TMEM260: variants seen among roughly 807,000 people sequenced by gnomAD.
TMEM260 encodes transmembrane protein 260.
In TMEM260, 82 loss-of-function variants were observed where a neutral mutation model predicts 88.9. The observed-to-expected ratio is 0.92, with a 90% CI of 0.77 to 1.11. The LOEUF (loss-of-function observed/expected upper bound fraction) is 1.11, where lower values mean the gene tolerates loss of function less well. Among genes scored for constraint, TMEM260 ranks in the 50% least tolerant of loss-of-function variants. The pLI, the probability that TMEM260 is intolerant of heterozygous loss-of-function variation, is 0.00. For synonymous variants in TMEM260, 314 were observed against 309.3 expected, an observed-to-expected ratio of 1.02 and a Z score of -0.16; for missense variants, 902 against 853.4, an observed-to-expected ratio of 1.06 and a Z score of -0.71.
intron 15 of TMEM260, among the ~76,000 whole-genome samples, chr14:56,645,521 A>T (rs1026124181): frequency 7.8e-4 from 118 of 152,146 alleles, no homozygotes; most frequent in Admixed American, 1.3e-3. Flanking sequence ...GAGGGATAGC[A>T]TTAGGAGATA....
At chr14:56,654,553 T>C (rs1395500533), downstream of TMEM260, among the ~76,000 whole-genome samples, 2 of 150,844 alleles carry the variant, frequency 1.3e-5, no homozygotes, top group African/African-American at 5.0e-5. Flanking sequence ...GTGCAGTGGC[T>C]CACACCTGTA....
At chr14:56,612,319 G>A in intron 7 of TMEM260, 34 bp downstream of exon 7, 4 of 1,550,812 alleles carry the variant, frequency 2.6e-6, no homozygotes, top group Non-Finnish European at 3.6e-6. Flanking sequence ...ACTTTAAAAT[G>A]AATTCTCTAT....
intron 1 of TMEM260, among the ~76,000 whole-genome samples, chr14:56,582,411 A>G (rs909799426): frequency 6.6e-6 from 1 of 152,180 alleles, no homozygotes; most frequent in African/African-American, 2.4e-5. Flanking sequence ...AGTTTATTTC[A>G]AAGATACTGT....
chr14:56,609,999 G>A (rs1422466074), intron 6 of TMEM260, among the ~76,000 whole-genome samples: 1 of 152,168 alleles, frequency 6.6e-6, no homozygotes, highest in East Asian at 1.9e-4. Flanking sequence ...AGAGTATGTA[G>A]TATATAATAC....
intron 1 of TMEM260, 117 bp from the exon 2 acceptor site, chr14:56,584,884 A>T: frequency 1.3e-6 from 1 of 753,434 alleles, no homozygotes; most frequent in Non-Finnish European, 2.2e-6. Context: ...CTACAGATTT[A>T]CAGTTTTATC....
At position 56,636,586 on chromosome 14, in the gene TMEM260, T is replaced by C. The variant is rs778417579; in HGVS notation, c.1857T>C (p.Ala619=). Residue 619 remains alanine, a synonymous_variant, in exon 15 of 16, where the codon GCT becomes GCC. Transcript: ENST00000261556. ...MPSKVKAQLY[A]QAYDLYKEIV... ...CAAAAGTGAAAGCTCAACTCTACGC[T>C]CAAGCATATGACGTATGTTACACTT... 6.2e-7 allele frequency: 1 copy of C among 1,613,864 alleles called. No individual in the cohort carries two copies. The highest frequency in any genetic ancestry group is 1.1e-5 in the South Asian group (1 of 91,076).
chr14:56,603,146 G>A (rs1049499157), intron 3 of TMEM260, among the ~76,000 whole-genome samples: 4 of 152,046 alleles, frequency 2.6e-5, no homozygotes, highest in African/African-American at 9.7e-5. Context: ...TTGTGGGTGA[G>A]AAATTTGTTT....
intron 11 of TMEM260, among the ~76,000 whole-genome samples, chr14:56,622,675 C>G (rs958274902): frequency 6.6e-6 from 1 of 151,746 alleles, no homozygotes; most frequent in South Asian, 2.1e-4. Context: ...AGGGAAGAAA[C>G]CTGTCTCTGG....
chr14:56,594,428 A>G (rs990732340), intron 3 of TMEM260, among the ~76,000 whole-genome samples: 4 of 152,192 alleles, frequency 2.6e-5, no homozygotes, highest in African/African-American at 9.7e-5. Context: ...CTACTTTAGC[A>G]TGTTATTAAC....
intron 5 of TMEM260, 150 bp downstream of exon 5, chr14:56,605,833 A>C (rs1229531349): frequency 2.1e-6 from 1 of 486,080 alleles, no homozygotes; most frequent in East Asian, 3.3e-5. Context: ...TGACTGAAAA[A>C]AATAGGATTT....
chr14:56,649,272 CAA>C lies in TMEM260; in HGVS notation c.*1777_*1778del, dbSNP rs1442346581. ...ATTGAAGTTGTTGAGTACTAATTGG[CAA>C]AGACTTTTAATCATGGGCCAAGAAC... On this transcript the variant is annotated 3_prime_UTR_variant, in exon 16 of 16. Coordinates refer to ENST00000261556, the MANE Select transcript of TMEM260 (RefSeq NM_017799.4). 3 of 152,602 alleles carry C rather than the reference CAA, an allele frequency of 2.0e-5. No individual in the cohort carries two copies. The highest frequency in any genetic ancestry group is 1.3e-4 in the Admixed American group (2 of 15,272). The allele number at this position is 152,602 out of a possible 1,614,324, so 9.5% of individuals were successfully genotyped here.
chr14:56,657,927 A>G, the TMEM260 span, among the ~76,000 whole-genome samples: 1 of 152,154 alleles, frequency 6.6e-6, no homozygotes, highest in Non-Finnish European at 1.5e-5. Flanking sequence ...TGCTGGTCTC[A>G]GCAACATTGG....
In TMEM260 at chr14:56,612,300, T is replaced by G. The variant is rs373659272; in HGVS notation, c.857+15T>G. On this transcript the variant is annotated intron_variant, in intron 7 of 15. Coordinates refer to ENST00000261556, the MANE Select transcript of TMEM260 (RefSeq NM_017799.4). Reference sequence around the variant, plus strand: ...GAAATACTGCTGTGAGTATGAAATATTTGAAACTACTTTAAAATGAATTCT... The same window carrying G: ...GAAATACTGCTGTGAGTATGAAATAGTTGAAACTACTTTAAAATGAATTCT... The G allele has an allele frequency of 6.2e-7, 1 of 1,605,020 alleles. No individual in the cohort carries two copies. The highest frequency in any genetic ancestry group is 8.5e-7 in the Non-Finnish European group (1 of 1,171,906).
At chr14:56,637,852 AT>A (rs1306792608) in intron 15 of TMEM260, among the ~76,000 whole-genome samples, 2 of 152,194 alleles carry the variant, frequency 1.3e-5, no homozygotes, top group Non-Finnish European at 2.9e-5. Flanking sequence ...ACCAAGTCTT[AT>A]CCCTGCTATC....
At chr14:56,611,256 G>T (rs573410029) in intron 6 of TMEM260, among the ~76,000 whole-genome samples, 6 of 152,006 alleles carry the variant, frequency 3.9e-5, no homozygotes, top group Non-Finnish European at 8.8e-5. Context: ...GTGAGCCACC[G>T]CACCCAGCCT....
Position 56,647,344 on chromosome 14 carries a change from T to C in TMEM260, c.1971T>C (p.Asp657=). 6.2e-7 allele frequency: 1 copy of C among 1,614,226 alleles called. No homozygotes were observed. The highest frequency in any genetic ancestry group is 8.5e-7 in the Non-Finnish European group (1 of 1,180,040). ...GGATGCTGCGTCTTCAGGCAAGAGA[T>C]GCAGATCCTGAAGTGCTGTTATCGG... ...CERMLRLQAR[D]ADPEVLLSET... Residue 657 remains aspartate (D), a synonymous_variant, in exon 16 of 16, where the codon GAT becomes GAC. Transcript: ENST00000261556.
intron 10 of TMEM260, 48 bp downstream of exon 10, chr14:56,618,811 C>A: frequency 6.5e-7 from 1 of 1,538,786 alleles, no homozygotes; most frequent in South Asian, 1.1e-5. Context: ...GCCAGAGATA[C>A]CTGAATATTT....
chr14:56,639,787 A>G (rs1376234953), intron 15 of TMEM260, among the ~76,000 whole-genome samples: 1 of 152,166 alleles, frequency 6.6e-6, no homozygotes, highest in Non-Finnish European at 1.5e-5. Flanking sequence ...TCCCACCCTA[A>G]TACTGTGCTT....
intron 3 of TMEM260, among the ~76,000 whole-genome samples, chr14:56,597,916 G>A (rs1199653520): frequency 1.3e-5 from 2 of 152,156 alleles, no homozygotes; most frequent in Non-Finnish European, 2.9e-5. Flanking sequence ...GAATACAGGA[G>A]TAGGAAATCA....
Sources: gnomAD v4.1 joint callset for allele counts (sites outside exome capture counted in the v4.1 genomes callset) on GRCh38, gnomAD v4.1.1 for gene constraint, MANE v1.5 for transcripts, NCBI Gene and HGNC (gene_info 2026-07-23, HGNC 2026-07-21) for gene names.